Variants in ADAMTSL1 observed in about 807,000 individuals in gnomAD.
ADAMTSL1 encodes the protein ADAMTS-like protein 1.
Under a neutral mutation model 201.8 loss-of-function variants are expected in ADAMTSL1, and 126 were observed. The ratio of observed to expected loss-of-function variants is 0.62; its 90% CI spans 0.54 to 0.72. ADAMTSL1 has a LOEUF of 0.72. Among genes scored for constraint, ADAMTSL1 ranks in the 30% least tolerant of loss-of-function variants. The pLI is 0.00. For missense variants in ADAMTSL1, 2,679 were observed against 2,277.8 expected (o/e 1.18, Z -3.59); for synonymous variants, 1,121 against 903.4 (o/e 1.24, Z -4.32).
intron 2 of ADAMTSL1, among the ~76,000 whole-genome samples, chr9:18,169,309 G>A (rs1827784523): frequency 1.3e-5 from 2 of 151,852 alleles, no homozygotes; most frequent in Admixed American, 6.6e-5. Flanking sequence ...TGTATAAGGT[G>A]TAAGGAAGGG....
At chr9:17,958,275 A>G (rs1477897682) in intron 1 of ADAMTSL1, among the ~76,000 whole-genome samples, 1 of 152,164 alleles carries the variant, frequency 6.6e-6, no homozygotes, top group Non-Finnish European at 1.5e-5. Flanking sequence ...AATACAGAAA[A>G]ACAGGGTCCC....
chr9:18,647,285 T>A, intron 7 of ADAMTSL1, among the ~76,000 whole-genome samples: 1 of 152,178 alleles, frequency 6.6e-6, no homozygotes, highest in East Asian at 1.9e-4. Flanking sequence ...TCTTTTTTTC[T>A]TTATTAGTCT....
In ADAMTSL1 at chr9:18,578,088, C is replaced by T. The variant is rs375183104; in HGVS notation, c.474+3822C>T. The stretch of plus-strand genomic sequence containing the variant: ...TTGAGATGATCTAGTCCAGCCCCAG[C>T]AAATCATTGTATGATTTTCCCAGGA... On this transcript the variant is annotated intron_variant, in intron 4 of 28. Coordinates refer to ENST00000380548, the MANE Select transcript of ADAMTSL1 (RefSeq NM_001040272.6). 1.8e-4 allele frequency among the ~76,000 whole-genome samples: 28 copies of T among 151,706 alleles called. 1 individual carries two copies. The highest frequency in any genetic ancestry group is 6.3e-4 in the African/African-American group (26 of 41,322).
chr9:18,688,329 A>G (rs980750505), intron 13 of ADAMTSL1, among the ~76,000 whole-genome samples: 23 of 151,576 alleles, frequency 1.5e-4, no homozygotes, highest in Non-Finnish European at 2.9e-5. Flanking sequence ...GGGTTTCACC[A>G]TGTTGGCCAG....
chr9:17,937,426 A>G (rs191548483), intron 1 of ADAMTSL1, among the ~76,000 whole-genome samples: 7 of 152,158 alleles, frequency 4.6e-5, no homozygotes, highest in East Asian at 3.9e-4. Flanking sequence ...GCCTCTCAAT[A>G]TAGCCAGTGC....
intron 2 of ADAMTSL1, among the ~76,000 whole-genome samples, chr9:18,404,997 AC>A (rs1251357819): frequency 1.3e-5 from 2 of 151,902 alleles, no homozygotes; most frequent in African/African-American, 4.8e-5. Flanking sequence ...AACTTTCTTG[AC>A]TAGACTTGCC....
chr9:18,355,822 C>CACA (rs945107119), intron 2 of ADAMTSL1, among the ~76,000 whole-genome samples: 4 of 152,178 alleles, frequency 2.6e-5, no homozygotes, highest in Non-Finnish European at 5.9e-5. Context: ...GCCTAGGCAA[C>CACA]ACAACAAGAC....
At chr9:18,479,096 C>T (rs984012742) in intron 1 of ADAMTSL1, among the ~76,000 whole-genome samples, 2 of 152,176 alleles carry the variant, frequency 1.3e-5, no homozygotes, top group African/African-American at 2.4e-5. Context: ...TAAGCTGTTG[C>T]TATCAACCCC....
chr9:18,116,973 C>T (rs1420799191), intron 1 of ADAMTSL1, among the ~76,000 whole-genome samples: 1 of 152,138 alleles, frequency 6.6e-6, no homozygotes, highest in Non-Finnish European at 1.5e-5. Flanking sequence ...AAGGAAACTC[C>T]ATCCTTCAAA....
rs549944686 is a variant in ADAMTSL1, at chr9:18,204,585, A to G, written c.207+40604A>G. Among the ~76,000 whole-genome samples the G allele has an allele frequency of 5.9e-5, 9 of 152,292 alleles. No individual in the cohort carries two copies. The South Asian group carries it at 1.9e-3, about 32-fold the overall frequency. Reference sequence around the variant, plus strand: ...AAGTCCAGTGACTTTCATGCCCAGCATGTTTATTGACACAGGTTGGTAAGA... The same window carrying G: ...AAGTCCAGTGACTTTCATGCCCAGCGTGTTTATTGACACAGGTTGGTAAGA... On this transcript the variant is annotated intron_variant, in intron 2 of 29. Coordinates refer to the ADAMTSL1 transcript ENST00000680146.
At chr9:18,177,422 T>C (rs1192445445) in intron 2 of ADAMTSL1, among the ~76,000 whole-genome samples, 1 of 152,180 alleles carries the variant, frequency 6.6e-6, no homozygotes, top group Non-Finnish European at 1.5e-5. Context: ...CGTCATTTAA[T>C]ATTAAGTCCA....
chr9:18,838,839 A>G (rs964255285), intron 23 of ADAMTSL1, among the ~76,000 whole-genome samples: 6 of 150,712 alleles, frequency 4.0e-5, no homozygotes, highest in African/African-American at 1.5e-4. Flanking sequence ...TCGCACCACT[A>G]CACTGCAGCC....
At chr9:18,356,551 A>C in intron 2 of ADAMTSL1, among the ~76,000 whole-genome samples, 1 of 134,246 alleles carries the variant, frequency 7.4e-6, no homozygotes, top group East Asian at 2.2e-4. Flanking sequence ...AAAAAAAAAA[A>C]GGCTATCATC....
chr9:18,001,020 G>A (rs946909000), intron 1 of ADAMTSL1, among the ~76,000 whole-genome samples: 6 of 151,950 alleles, frequency 3.9e-5, no homozygotes, highest in Non-Finnish European at 8.8e-5. Flanking sequence ...ATCCAGTTGG[G>A]GGAAGTTAGT....
chr9:18,319,112 G>A (rs1834523060), intron 2 of ADAMTSL1, among the ~76,000 whole-genome samples: 1 of 152,078 alleles, frequency 6.6e-6, no homozygotes, highest in South Asian at 2.1e-4. Flanking sequence ...AGCTACTCCT[G>A]AGGCAGGAGG....
intron 4 of ADAMTSL1, among the ~76,000 whole-genome samples, chr9:18,593,873 G>C (rs554787869): frequency 2.0e-5 from 3 of 152,010 alleles, no homozygotes; most frequent in Non-Finnish European, 2.9e-5. Flanking sequence ...AGGAAATTAT[G>C]TGTATTCTGC....
rs1186880137 is a variant in ADAMTSL1 at position 18,910,812 on chromosome 9, T to C, written c.*2264T>C. The C allele has an allele frequency of 6.6e-6, 1 of 152,206 alleles. No individual in the cohort carries two copies. The highest frequency in any genetic ancestry group is 1.9e-4 in the East Asian group (1 of 5,200). 9.4% of individuals were successfully genotyped at this position (152,206 alleles called of 1,614,324 possible). A position where few individuals can be genotyped will look rare whatever the true frequency, so the allele number is the denominator to read the frequency against. ...GCATGAAATGAATGTACATTTAATG[T>C]TTGTTCTGTGAATTGCAACTCAGCA... is the stretch of plus-strand genomic sequence containing the variant. On this transcript the variant is annotated 3_prime_UTR_variant, in exon 29 of 29. Coordinates refer to ENST00000380548, the MANE Select transcript of ADAMTSL1 (RefSeq NM_001040272.6).
At chr9:18,024,909 C>T (rs972639214) in intron 1 of ADAMTSL1, among the ~76,000 whole-genome samples, 7 of 152,080 alleles carry the variant, frequency 4.6e-5, no homozygotes, top group African/African-American at 1.7e-4. Context: ...CCCTTTTCTC[C>T]ACAGCCTTGC....
intron 2 of ADAMTSL1, among the ~76,000 whole-genome samples, chr9:18,454,448 A>C (rs1282153225): frequency 6.6e-6 from 1 of 152,166 alleles, no homozygotes; most frequent in African/African-American, 2.4e-5. Context: ...ACCCTCACAG[A>C]CACACCCAGA....
Sources: gnomAD v4.1 joint callset for allele counts (sites outside exome capture counted in the v4.1 genomes callset) on GRCh38, gnomAD v4.1.1 for gene constraint, MANE v1.5 for transcripts, NCBI Gene and HGNC (gene_info 2026-07-23, HGNC 2026-07-21) for gene names.